The following OSTF1 variants were observed in gnomAD, a reference collection of about 807,000 sequenced individuals.
OSTF1 encodes osteoclast-stimulating factor 1.
In OSTF1, 27 loss-of-function variants were observed where a neutral mutation model predicts 37.2. The observed-to-expected ratio is 0.73, with a 90% CI of 0.54 to 1.00. The LOEUF is 1.00. Ranked by LOEUF, OSTF1 falls within the 50% of genes least tolerant of loss-of-function variation. The pLI is 0.00. For synonymous variants in OSTF1, 82 were observed against 89.2 expected (o/e 0.92, Z 0.46); for missense variants, 232 against 253.8 (o/e 0.91, Z 0.58).
chr9:75,118,802 G>C (rs1341414409), intron 2 of OSTF1, among the ~76,000 whole-genome samples: 2 of 152,096 alleles, frequency 1.3e-5, no homozygotes, highest in African/African-American at 4.8e-5. Context: ...GAACAATATG[G>C]GGGAAATTGC....
chr9:75,108,224 C>CAAAT (rs763670701), intron 1 of OSTF1, among the ~76,000 whole-genome samples: 32 of 150,742 alleles, frequency 2.1e-4, no homozygotes, highest in African/African-American at 6.8e-4. Context: ...CCCTGTCTCT[C>CAAAT]AAATAAATAA....
intron 9 of OSTF1, among the ~76,000 whole-genome samples, chr9:75,145,143 C>CTATG (rs1826000437): frequency 1.5e-5 from 1 of 64,896 alleles, no homozygotes; most frequent in Non-Finnish European, 3.1e-5. Flanking sequence ...GCCTGCCTAT[C>CTATG]TATCTATCTA....
chr9:75,140,951 T>C lies in OSTF1; in HGVS notation c.586+19T>C. 6.6e-7 allele frequency: 1 copy of C among 1,509,122 alleles called. No individual in the cohort carries two copies. The highest frequency in any genetic ancestry group is 1.7e-5 in the Admixed American group (1 of 59,616). 93.5% of individuals were successfully genotyped at this position (1,509,122 alleles called of 1,614,324 possible). On this transcript the variant is annotated intron_variant, in intron 9 of 9. Transcript: ENST00000346234. ...GGAACAGGTATTTGTTTTAAATTCTTCTTTCTCCTCTGGTGCCCCATAACT... is the reference window on the plus strand; with the variant it reads ...GGAACAGGTATTTGTTTTAAATTCTCCTTTCTCCTCTGGTGCCCCATAACT...
Position 75,142,415 on chromosome 9 carries a change from T to C in OSTF1, c.586+1483T>C, listed in dbSNP as rs1481898949. Among the ~76,000 whole-genome samples, 8 of 152,300 alleles carry C rather than the reference T, an allele frequency of 5.3e-5. No individual in the cohort carries two copies. The East Asian group carries it at 5.8e-4, about 11-fold the overall frequency. On this transcript the variant is annotated intron_variant, in intron 9 of 9. Transcript: ENST00000346234. ...CCTTTCTCTGCCACTGACTTCCTGT[T>C]GTGTGGCTACCCTTAGCCTGTCCTG...
intron 1 of OSTF1, among the ~76,000 whole-genome samples, chr9:75,093,068 T>TC (rs1419345393): frequency 6.6e-6 from 1 of 150,698 alleles, no homozygotes; most frequent in Non-Finnish European, 1.5e-5. Context: ...TTCTTTCTTT[T>TC]TTTTTTTTTG....
chr9:75,131,671 G>C, intron 4 of OSTF1, 99 bp from the exon 5 acceptor site: 2 of 829,564 alleles, frequency 2.4e-6, no homozygotes, highest in Non-Finnish European at 4.2e-6. Context: ...GAATGCCCTG[G>C]TACTCCTGAA....
chr9:75,107,582 T>C (rs1045697417), intron 1 of OSTF1, among the ~76,000 whole-genome samples: 10 of 152,240 alleles, frequency 6.6e-5, no homozygotes, highest in African/African-American at 2.4e-4. Context: ...AAATATTCTT[T>C]ATAGAGTCCT....
At chr9:75,127,935 C>T (rs1267377720) in intron 3 of OSTF1, among the ~76,000 whole-genome samples, 13 of 151,652 alleles carry the variant, frequency 8.6e-5, no homozygotes. Context: ...ATAATATATC[C>T]TCAGTTTTCT....
intron 2 of OSTF1, among the ~76,000 whole-genome samples, chr9:75,123,146 G>A (rs1825606550): frequency 6.6e-6 from 1 of 152,264 alleles, no homozygotes; most frequent in African/African-American, 2.4e-5. Flanking sequence ...GAAAGGCCGG[G>A]CGCAGTGGCT....
chr9:75,089,195 C>A (rs935622445), intron 1 of OSTF1, among the ~76,000 whole-genome samples: 1 of 151,762 alleles, frequency 6.6e-6, no homozygotes, highest in African/African-American at 2.4e-5. Context: ...GGCGAGCGAG[C>A]CTCCCTCGGG....
chr9:75,139,057 T>TCCTTCC (rs1554774439), intron 8 of OSTF1, among the ~76,000 whole-genome samples: 3 of 138,600 alleles, frequency 2.2e-5, no homozygotes, highest in Admixed American at 7.0e-5. Flanking sequence ...TTTCTTTCTT[T>TCCTTCC]TTTTTTTGAA....
intron 1 of OSTF1, among the ~76,000 whole-genome samples, chr9:75,108,898 G>A (rs546262889): frequency 1.3e-5 from 2 of 152,224 alleles, no homozygotes. Context: ...TCAGGCTGCA[G>A]TTAACAGTAC....
intron 1 of OSTF1, among the ~76,000 whole-genome samples, chr9:75,097,665 A>G (rs892775257): frequency 2.6e-5 from 4 of 152,064 alleles, no homozygotes; most frequent in Non-Finnish European, 4.4e-5. Context: ...GTTATAATCA[A>G]CTTTACATTT....
At chr9:75,110,611 G>C (rs1825369429) in intron 1 of OSTF1, among the ~76,000 whole-genome samples, 2 of 152,078 alleles carry the variant, frequency 1.3e-5, no homozygotes, top group African/African-American at 4.8e-5. Flanking sequence ...AAGTGAAATA[G>C]TCTATCTATT....
intron 1 of OSTF1, among the ~76,000 whole-genome samples, chr9:75,095,003 C>T (rs1825047440): frequency 6.6e-6 from 1 of 152,172 alleles, no homozygotes; most frequent in Non-Finnish European, 1.5e-5. Context: ...GCACTCCAGC[C>T]TGGGTGACAG....
At chr9:75,134,419 ATT>A in intron 7 of OSTF1, 24 bp downstream of exon 7, 1 of 1,304,680 alleles carries the variant, frequency 7.7e-7, no homozygotes, top group Non-Finnish European at 1.1e-6. Context: ...TTTGAAAATT[ATT>A]TAACACATAC....
At chr9:75,091,667 A>G (rs1281964695) in intron 1 of OSTF1, among the ~76,000 whole-genome samples, 3 of 152,240 alleles carry the variant, frequency 2.0e-5, no homozygotes, top group Non-Finnish European at 4.4e-5. Context: ...ACCTTGCCTC[A>G]TTCCAAAAGG....
chr9:75,141,312 CAAAAAA>C (rs529293090), intron 9 of OSTF1, among the ~76,000 whole-genome samples: 9 of 71,678 alleles, frequency 1.3e-4, no homozygotes, highest in South Asian at 1.4e-3. Flanking sequence ...AAAAGAAAAC[CAAAAAA>C]AAAAAAAAAA....
At chr9:75,103,170 G>A (rs866060400) in intron 1 of OSTF1, among the ~76,000 whole-genome samples, 5 of 152,198 alleles carry the variant, frequency 3.3e-5, no homozygotes, top group African/African-American at 1.2e-4. Flanking sequence ...GCATGTGCCT[G>A]TGGTCCCAGC....
Sources: gnomAD v4.1 joint callset for allele counts (sites outside exome capture counted in the v4.1 genomes callset) on GRCh38, gnomAD v4.1.1 for gene constraint, MANE v1.5 for transcripts, NCBI Gene and HGNC (gene_info 2026-07-23, HGNC 2026-07-21) for gene names.